The following PDLIM2 variants were observed in gnomAD, a reference collection of about 807,000 sequenced individuals.
PDLIM2 encodes the protein PDZ and LIM domain protein 2.
A neutral mutation model predicts 54.1 loss-of-function variants in PDLIM2; 51 were observed. The observed-to-expected ratio is 0.94, with a 90% CI of 0.75 to 1.19. The LOEUF is 1.19. PDLIM2 is among the 50% of genes most tolerant of loss of function. The probability of loss-of-function intolerance (pLI) is 0.00; values close to 1 mark genes in which losing one functional copy is unlikely to be tolerated. For missense variants in PDLIM2, 912 were observed against 874.0 expected (o/e 1.04, Z -0.55); for synonymous variants, 398 against 385.6 (o/e 1.03, Z -0.38).
At chr8:22,594,323 C>G, downstream of PDLIM2, 1 of 1,428,436 alleles carries the variant, frequency 7.0e-7, no homozygotes, top group South Asian at 1.5e-5. Context: ...CTTCTTTTTC[C>G]TACCGCCAGC....
chr8:22,588,037 T>G (rs899643383), intron 6 of PDLIM2: 2 of 152,312 alleles, frequency 1.3e-5, no homozygotes, highest in African/African-American at 4.8e-5. Flanking sequence ...GGAGATGTGA[T>G]GTGGCTCGTG....
chr8:22,586,398 A>G (rs1235951800), intron 6 of PDLIM2, among the ~76,000 whole-genome samples: 1 of 152,190 alleles, frequency 6.6e-6, no homozygotes, highest in Admixed American at 6.5e-5. Flanking sequence ...ATTTTGGAGC[A>G]ATTAGGCACT....
intron 9 of PDLIM2, 184 bp downstream of exon 8, chr8:22,591,852 C>CTG: frequency 1.9e-6 from 1 of 536,852 alleles, no homozygotes; most frequent in Non-Finnish European, 3.3e-6. Context: ...TCTTAGGAGC[C>CTG]TAGGCTAGCT....
intron 6 of PDLIM2, chr8:22,588,019 G>A (rs891141314): frequency 6.6e-6 from 1 of 152,330 alleles, no homozygotes; most frequent in African/African-American, 2.4e-5. Context: ...GCCCATGGTG[G>A]TCTGTCTGGA....
chr8:22,585,500 G>A (rs1287826560), intron 6 of PDLIM2, 101 bp downstream of exon 5: 10 of 1,168,314 alleles, frequency 8.6e-6, no homozygotes, highest in Non-Finnish European at 1.2e-5. Flanking sequence ...GCCCACCTGG[G>A]CAGCCATGGC....
In PDLIM2 at chr8:22,584,816, C is replaced by T; in HGVS notation, c.996-5C>T. On this transcript the variant is annotated splice_region_variant and splice_polypyrimidine_tract_variant and intron_variant, in intron 3 of 9. Transcript: ENST00000308354. ...TGACATTCCCTCCCTCTGTTGCCTT[C>T]TCAGGTCTCAGGCTACGTCTCCAGG... 6.2e-7 allele frequency: 1 copy of T among 1,614,070 alleles called. No homozygotes were observed. The highest frequency in any genetic ancestry group is 8.5e-7 in the Non-Finnish European group (1 of 1,179,956).
At chr8:22,586,796 G>A (rs1391866755) in intron 6 of PDLIM2, among the ~76,000 whole-genome samples, 1 of 152,142 alleles carries the variant, frequency 6.6e-6, no homozygotes, top group East Asian at 1.9e-4. Flanking sequence ...TGAAGGGTGT[G>A]GGAGGTACAG....
At chr8:22,582,211 G>A (rs1800223878) in intron 3 of PDLIM2, among the ~76,000 whole-genome samples, 1 of 152,198 alleles carries the variant, frequency 6.6e-6, no homozygotes, top group Non-Finnish European at 1.5e-5. Context: ...CCTAGAACCT[G>A]AGTCAGACAC....
At chr8:22,589,177 T>G in intron 6 of PDLIM2, 121 bp from the exon 6 acceptor site, 1 of 970,874 alleles carries the variant, frequency 1.0e-6, no homozygotes, top group South Asian at 1.4e-5. Context: ...AGGGGTCCGC[T>G]GGTCGGCGAG....
chr8:22,592,347 G>A (rs1800577172), intron 9 of PDLIM2: 1 of 151,966 alleles, frequency 6.6e-6, no homozygotes, highest in African/African-American at 2.4e-5. Flanking sequence ...CTCCCAAAGT[G>A]CTGGGATTAC....
At chr8:22,595,266 T>C (rs1346172456), downstream of PDLIM2, 1 of 152,294 alleles carries the variant, frequency 6.6e-6, no homozygotes, top group African/African-American at 2.4e-5. Context: ...GATATCATTG[T>C]CTCACCTTTT....
chr8:22,580,389 A>T, intron 1 of PDLIM2, 86 bp from the exon 1 acceptor site: 1 of 1,236,266 alleles, frequency 8.1e-7, no homozygotes, highest in South Asian at 1.6e-5. Context: ...GGAAGGGAGA[A>T]CCCAGAAGCA....
exon 1 of PDLIM2, chr8:22,579,174 T>G: frequency 7.3e-7 from 1 of 1,362,096 alleles, no homozygotes; most frequent in South Asian, 1.8e-5. Context: ...CTCCCCGCCT[T>G]CCCTCCCTCC....
At chr8:22,591,630 C>G in exon 9 of PDLIM2, 1 of 1,613,310 alleles carries the variant, frequency 6.2e-7, no homozygotes, top group East Asian at 2.2e-5. Context: ...CCACCCCTCC[C>G]AAGCTCCACA....
chr8:22,593,653 G>T, intron 9 of PDLIM2, 80 bp from the exon 9 acceptor site: 2 of 1,314,334 alleles, frequency 1.5e-6, no homozygotes, highest in Non-Finnish European at 2.1e-6. Context: ...TGATGCTACA[G>T]TGGGGACCAG....
downstream of PDLIM2, chr8:22,597,653 A>C (rs1389502431): frequency 6.6e-6 from 1 of 152,476 alleles, no homozygotes; most frequent in Non-Finnish European, 1.5e-5. Flanking sequence ...GCGATCTGGC[A>C]AAGGCTCCCT....
chr8:22,593,603 AGTC>A, intron 9 of PDLIM2, 127 bp from the exon 9 acceptor site: 4 of 574,878 alleles, frequency 7.0e-6, no homozygotes, highest in South Asian at 5.4e-5. Flanking sequence ...AAAAAAAAAA[AGTC>A]TAGTCTCTGA....
chr8:22,584,984 C>A, intron 4 of PDLIM2, 33 bp from the exon 4 acceptor site: 2 of 1,613,304 alleles, frequency 1.2e-6, no homozygotes, highest in Non-Finnish European at 1.7e-6. Context: ...CGGGGCAGCC[C>A]TGCCTTTCCT....
chr8:22,579,572 G>A, intron 1 of PDLIM2: 2 of 1,429,422 alleles, frequency 1.4e-6, no homozygotes, highest in Non-Finnish European at 1.8e-6. Context: ...CGGGGACTGG[G>A]GTGGGGGCGG....
Sources: gnomAD v4.1 joint callset for allele counts (sites outside exome capture counted in the v4.1 genomes callset) on GRCh38, gnomAD v4.1.1 for gene constraint, MANE v1.5 for transcripts, NCBI Gene and HGNC (gene_info 2026-07-23, HGNC 2026-07-21) for gene names.